The following PRKAR2B variants were observed in gnomAD, a reference collection of about 807,000 sequenced individuals.
PRKAR2B encodes the protein cAMP-dependent protein kinase type II-beta regulatory subunit.
PRKAR2B carries 14 observed loss-of-function variants against 49.9 expected under a neutral mutation model. The ratio of observed to expected loss-of-function variants is 0.28; its 90% CI spans 0.19 to 0.44. PRKAR2B has a LOEUF of 0.44. PRKAR2B is among the 20% of genes least tolerant of loss of function. The probability of loss-of-function intolerance (pLI) is 1.00; values close to 1 mark genes in which losing one functional copy is unlikely to be tolerated. For synonymous variants in PRKAR2B, 196 were observed against 197.7 expected, an observed-to-expected ratio of 0.99 and a Z score of 0.07; for missense variants, 393 against 537.9, an observed-to-expected ratio of 0.73 and a Z score of 2.67.
chr7:107,047,656 T>C (rs930480380), intron 1 of PRKAR2B, among the ~76,000 whole-genome samples: 6 of 152,170 alleles, frequency 3.9e-5, no homozygotes, highest in Non-Finnish European at 5.9e-5. Flanking sequence ...GAACCCCAGA[T>C]ACTGGGCAAT....
chr7:107,136,600 G>A (rs6978486), intron 4 of PRKAR2B, among the ~76,000 whole-genome samples: 19,641 of 152,172 alleles, frequency 0.13, 1,546 homozygotes, highest in African/African-American at 0.22. Flanking sequence ...ACTTAAAACA[G>A]CAATGAGATA....
At chr7:107,103,236 A>C (rs915189995) in intron 2 of PRKAR2B, among the ~76,000 whole-genome samples, 54 of 152,314 alleles carry the variant, frequency 3.5e-4, no homozygotes, top group Admixed American at 1.9e-3. Context: ...AAATAGGAAA[A>C]AATTTCATTA....
intron 3 of PRKAR2B, among the ~76,000 whole-genome samples, chr7:107,126,842 G>A (rs1278649111): frequency 6.6e-6 from 1 of 152,160 alleles, no homozygotes; most frequent in African/African-American, 2.4e-5. Flanking sequence ...TACTTTGTCT[G>A]TGTTTGTGTG....
chr7:107,134,029 TTTGTTG>T (rs958543600), intron 4 of PRKAR2B, among the ~76,000 whole-genome samples: 1 of 152,076 alleles, frequency 6.6e-6, no homozygotes, highest in East Asian at 1.9e-4. Flanking sequence ...CCTGTTTTTT[TTTGTTG>T]TTGTTGTTGT....
rs1190480321 is a variant in PRKAR2B, at chr7:107,045,138, C to G, written c.231C>G (p.Ala77=). Residue 77 remains alanine, a synonymous_variant, in exon 1 of 11, where the codon GCC becomes GCG. Transcript: ENST00000265717. ...CCCCCAGCAAGGGGGTCAACTTCGCCGAGGAGCCCATGCAGTCCGACTCCG... is the reference window on the plus strand; with the variant it reads ...CCCCCAGCAAGGGGGTCAACTTCGCGGAGGAGCCCATGCAGTCCGACTCCG... ...GGTPSKGVNF[A]EEPMQSDSED... 2 of 1,518,392 alleles carry G rather than the reference C, an allele frequency of 1.3e-6. No individual in the cohort carries two copies. The highest frequency in any genetic ancestry group is 2.0e-5 in the Admixed American group (1 of 49,934). The allele number at this position is 1,518,392 out of a possible 1,614,324, so 94.1% of individuals were successfully genotyped here. A position where few individuals can be genotyped will look rare whatever the true frequency, so the allele number is the denominator to read the frequency against.
At chr7:107,149,409 G>A (rs896628853) in intron 6 of PRKAR2B, among the ~76,000 whole-genome samples, 12 of 152,092 alleles carry the variant, frequency 7.9e-5, no homozygotes, top group African/African-American at 2.2e-4. Flanking sequence ...TGGTCTGGAC[G>A]CTGAGAAGTC....
intron 2 of PRKAR2B, among the ~76,000 whole-genome samples, chr7:107,106,055 T>C (rs1795064435): frequency 1.3e-5 from 2 of 152,184 alleles, no homozygotes; most frequent in South Asian, 4.1e-4. Context: ...ATAAAATGCA[T>C]ACCAGGGATA....
At chr7:107,062,293 A>C (rs570500353) in intron 1 of PRKAR2B, among the ~76,000 whole-genome samples, 1 of 152,354 alleles carries the variant, frequency 6.6e-6, no homozygotes, top group East Asian at 1.9e-4. Context: ...TTTTCAATGA[A>C]TATTACCAAC....
At chr7:107,135,356 C>T (rs948411143) in intron 4 of PRKAR2B, among the ~76,000 whole-genome samples, 2 of 152,140 alleles carry the variant, frequency 1.3e-5, no homozygotes, top group African/African-American at 4.8e-5. Context: ...CCTCTCACCA[C>T]TCCTTTTCAA....
intron 2 of PRKAR2B, among the ~76,000 whole-genome samples, chr7:107,074,352 C>T (rs1159965521): frequency 6.6e-6 from 1 of 152,006 alleles, no homozygotes; most frequent in Admixed American, 6.5e-5. Context: ...GATCTGCCCG[C>T]CTTGGCCTCC....
intron 2 of PRKAR2B, among the ~76,000 whole-genome samples, chr7:107,083,022 T>C (rs11767753): frequency 0.12 from 17,953 of 152,120 alleles, 1,233 homozygotes; most frequent in African/African-American, 0.18. Flanking sequence ...ACAGAGATTC[T>C]GAGGCAGAGG....
intron 5 of PRKAR2B, among the ~76,000 whole-genome samples, chr7:107,142,058 G>A (rs1795799591): frequency 6.6e-6 from 1 of 152,088 alleles, no homozygotes; most frequent in Non-Finnish European, 1.5e-5. Context: ...GAGACAATTG[G>A]CATCCCTGAC....
At position 107,071,986 on chromosome 7, in the gene PRKAR2B, G is replaced by A. The variant is rs571841333; in HGVS notation, c.343+1670G>A. 2.4e-3 allele frequency among the ~76,000 whole-genome samples: 359 copies of A among 151,586 alleles called. 2 individuals are homozygous for A. Among genetic ancestry groups the A allele is most frequent in the Non-Finnish European group, 3.8e-3 (257 of 67,890 alleles). On this transcript the variant is annotated intron_variant, in intron 2 of 10. Coordinates refer to ENST00000265717, the MANE Select transcript of PRKAR2B (RefSeq NM_002736.3). The stretch of plus-strand genomic sequence containing the variant: ...CGGGAGGCTGAGGCAGGAGAATGGC[G>A]TGAACCCGGAAGGCGGAGCTTGCAG...
chr7:107,051,729 TA>T (rs1309781228), intron 1 of PRKAR2B, among the ~76,000 whole-genome samples: 1 of 152,188 alleles, frequency 6.6e-6, no homozygotes, highest in African/African-American at 2.4e-5. Flanking sequence ...ATGTGTAGCT[TA>T]ATATGTTTGG....
rs1793659305 is a variant in PRKAR2B, at chr7:107,044,932, C to G, written c.25C>G (p.Leu9Val). The G allele has an allele frequency of 1.3e-6, 2 of 1,599,416 alleles. No homozygotes were observed. The highest frequency in any genetic ancestry group is 1.7e-6 in the Non-Finnish European group (2 of 1,175,270). ...GATGAGCATCGAGATCCCGGCGGGA[C>G]TGACGGAGCTGCTGCAGGGCTTCAC... Reference protein sequence around the residue: MSIEIPAGLTELLQGFTVE... With the variant: MSIEIPAGVTELLQGFTVE... Residue 9 changes from leucine to valine, a missense_variant, in exon 1 of 11, where the codon CTG (leucine) becomes GTG (valine). Around this residue, in one of 2 missense-constraint regions of PRKAR2B, gnomAD observed 160 missense variants for 147.6 expected, o/e 1.08. Transcript: ENST00000265717.
chr7:107,057,071 C>T (rs1300809256), intron 1 of PRKAR2B, among the ~76,000 whole-genome samples: 1 of 152,154 alleles, frequency 6.6e-6, no homozygotes, highest in African/African-American at 2.4e-5. Flanking sequence ...TTGTCCATTT[C>T]CATCTTTTTG....
chr7:107,122,660 C>G (rs1795409446), intron 3 of PRKAR2B, among the ~76,000 whole-genome samples: 1 of 152,198 alleles, frequency 6.6e-6, no homozygotes, highest in Admixed American at 6.5e-5. Context: ...AAAAGTGCCT[C>G]TTGTTTCTTT....
chr7:107,053,930 G>A (rs550453639), intron 1 of PRKAR2B, among the ~76,000 whole-genome samples: 6 of 152,176 alleles, frequency 3.9e-5, no homozygotes, highest in Non-Finnish European at 7.3e-5. Context: ...GAGAGAGATC[G>A]TTCACTATTT....
At chr7:107,092,276 T>TG (rs1562853840) in intron 2 of PRKAR2B, among the ~76,000 whole-genome samples, 54 of 148,660 alleles carry the variant, frequency 3.6e-4, no homozygotes, top group African/African-American at 1.3e-3. Context: ...TGTGCGTGTG[T>TG]CTGTGTGTGT....
Sources: gnomAD v4.1 joint callset for allele counts (sites outside exome capture counted in the v4.1 genomes callset) on GRCh38, gnomAD v4.1.1 for gene constraint, gnomAD v4.1.1 regional missense constraint, MANE v1.5 for transcripts, NCBI Gene and HGNC (gene_info 2026-07-23, HGNC 2026-07-21) for gene names.